The following KAZN variants were observed in gnomAD, a reference collection of about 807,000 sequenced individuals.
KAZN encodes the protein kazrin, periplakin interacting protein.
A neutral mutation model predicts 87.4 loss-of-function variants in KAZN; 40 were observed. That is an observed-to-expected ratio of 0.46 (90% CI 0.36 to 0.60). KAZN has a LOEUF of 0.60. Among genes scored for constraint, KAZN ranks in the 20% least tolerant of loss-of-function variants. The pLI is 0.00. For synonymous variants in KAZN, 466 were observed against 458.3 expected, an observed-to-expected ratio of 1.02 and a Z score of -0.22; for missense variants, 898 against 1,073.9, an observed-to-expected ratio of 0.84 and a Z score of 2.29.
At chr1:14,895,985 A>G (rs1480869626) in intron 1 of KAZN, among the ~76,000 whole-genome samples, 3 of 152,168 alleles carry the variant, frequency 2.0e-5, no homozygotes, top group Non-Finnish European at 4.4e-5. Context: ...CCAGGCAACA[A>G]TCTGAAGTAA....
intron 1 of KAZN, among the ~76,000 whole-genome samples, chr1:14,120,707 A>G (rs996611928): frequency 1.3e-5 from 2 of 152,132 alleles, no homozygotes; most frequent in Admixed American, 6.5e-5. Flanking sequence ...TGTTCTCAGG[A>G]CAGTGGACAT....
intron 1 of KAZN, among the ~76,000 whole-genome samples, chr1:14,777,295 C>A (rs1350233772): frequency 6.6e-6 from 1 of 152,162 alleles, no homozygotes; most frequent in African/African-American, 2.4e-5. Flanking sequence ...CACGCCCAGC[C>A]CTGAAGTAGG....
intron 1 of KAZN, among the ~76,000 whole-genome samples, chr1:14,605,691 G>A (rs1372249613): frequency 1.3e-5 from 2 of 152,188 alleles, no homozygotes; most frequent in Non-Finnish European, 1.5e-5. Flanking sequence ...GGAGGAGGAG[G>A]AAGAGGAAGG....
intron 2 of KAZN, among the ~76,000 whole-genome samples, chr1:14,251,944 C>T (rs1319832127): frequency 6.6e-6 from 1 of 152,030 alleles, no homozygotes; most frequent in African/African-American, 2.4e-5. Context: ...CCACTGTGCC[C>T]GACCCTCCTT....
upstream of KAZN, chr1:14,598,563 T>G: frequency 1.7e-6 from 1 of 603,904 alleles, no homozygotes; most frequent in Non-Finnish European, 2.1e-6. This position sits in a 1 kb window ranked among gnomAD's most constrained non-coding sequence, Gnocchi z 4.2. Context: ...CCGGGGGGTG[T>G]GTCTCCGAAG....
chr1:14,092,600 C>A (rs536631999), intron 1 of KAZN, among the ~76,000 whole-genome samples: 57 of 151,778 alleles, frequency 3.8e-4, no homozygotes, highest in African/African-American at 1.3e-3. Context: ...TACATATACA[C>A]ACATATATAC....
chr1:14,802,389 G>A (rs937120120), intron 1 of KAZN, among the ~76,000 whole-genome samples: 11 of 136,392 alleles, frequency 8.1e-5, no homozygotes, highest in African/African-American at 2.3e-4. Context: ...GGGTGACAGA[G>A]CAAAACTCTT....
At chr1:14,263,642 G>T (rs989619208) in intron 2 of KAZN, among the ~76,000 whole-genome samples, 3 of 152,154 alleles carry the variant, frequency 2.0e-5, no homozygotes. Context: ...GGGAGCGGGG[G>T]CAGGGTGGGG....
rs548385725 is a variant in KAZN at position 13,939,343 on chromosome 1, C to G, written c.91+45587C>G. 1.3e-4 allele frequency among the ~76,000 whole-genome samples: 20 copies of G among 152,342 alleles called. No individual in the cohort carries two copies. The South Asian group carries it at 4.1e-3, about 32-fold the overall frequency. On this transcript the variant is annotated intron_variant, in intron 1 of 16. Coordinates refer to the KAZN transcript ENST00000636203. ...CCACCAGATACCCTAAGTCATCACTCTTAAGTTAAAACTTACACAGATCCT... is the reference window on the plus strand; with the variant it reads ...CCACCAGATACCCTAAGTCATCACTGTTAAGTTAAAACTTACACAGATCCT...
At chr1:14,559,613 G>A (rs565986020) in intron 2 of KAZN, among the ~76,000 whole-genome samples, 30 of 152,288 alleles carry the variant, frequency 2.0e-4, no homozygotes, top group Non-Finnish European at 3.2e-4. Flanking sequence ...TCCCAAGACC[G>A]GACTGCATTC....
At chr1:14,926,152 T>C (rs976728114) in intron 1 of KAZN, among the ~76,000 whole-genome samples, 3 of 152,178 alleles carry the variant, frequency 2.0e-5, no homozygotes, top group African/African-American at 7.2e-5. Context: ...TCCCATTAGA[T>C]TGTGGCGCTC....
At chr1:14,993,266 G>A (rs1049278175) in intron 2 of KAZN, among the ~76,000 whole-genome samples, 9 of 151,436 alleles carry the variant, frequency 5.9e-5, no homozygotes, top group Non-Finnish European at 1.2e-4. Context: ...TCGGGAGTTC[G>A]AGACCAGCCT....
Position 14,598,688 on chromosome 1 carries a change from C to T in KAZN, c.-310C>T, listed in dbSNP as rs1012592241. 6 of 1,301,918 alleles carry T rather than the reference C, an allele frequency of 4.6e-6. No homozygotes were observed. Among genetic ancestry groups the T allele is most frequent in the South Asian group, 2.3e-5 (1 of 43,272 alleles). The allele number at this position is 1,301,918 out of a possible 1,614,324, so 80.6% of individuals were successfully genotyped here. ...GTGCCTGGTGGCGCGCGGTGTCCTT[C>T]TTGGAGCAGCTCTCGGCGCCCGCCC... is the stretch of plus-strand genomic sequence containing the variant. On this transcript the variant is annotated 5_prime_UTR_variant, in exon 1 of 15. Transcript: ENST00000376030. This position sits in a 1 kb window ranked among gnomAD's most constrained non-coding sequence, Gnocchi z 4.2.
rs1455110848 is a variant in KAZN, at chr1:14,773,268, G to C, written c.226+174045G>C. On this transcript the variant is annotated intron_variant, in intron 1 of 14. Transcript: ENST00000376030. This position sits in a 1 kb window ranked among gnomAD's most constrained non-coding sequence, Gnocchi z 5.9. ...TGAGATCCCGCTAGTCATGGGGTGA[G>C]CTACAGTGGGACTGTGGCACACAGT... is the stretch of plus-strand genomic sequence containing the variant. Among the ~76,000 whole-genome samples the C allele has an allele frequency of 6.6e-6, 1 of 152,126 alleles. No individual in the cohort carries two copies. Among genetic ancestry groups the C allele is most frequent in the Non-Finnish European group, 1.5e-5 (1 of 68,028 alleles).
chr1:14,171,500 A>G (rs573153736), intron 1 of KAZN, among the ~76,000 whole-genome samples: 1 of 152,174 alleles, frequency 6.6e-6, no homozygotes, highest in African/African-American at 2.4e-5. Context: ...TGGGGGGAAA[A>G]TCTGAATTAT....
intron 1 of KAZN, among the ~76,000 whole-genome samples, chr1:14,045,381 G>T (rs1642021660): frequency 6.6e-6 from 1 of 152,306 alleles, no homozygotes; most frequent in South Asian, 2.1e-4. Context: ...TAAAACTAGG[G>T]ACTCTGAACT....
intron 2 of KAZN, among the ~76,000 whole-genome samples, chr1:15,018,683 TCA>T (rs774551148): frequency 5.3e-5 from 8 of 151,558 alleles, no homozygotes; most frequent in Non-Finnish European, 1.0e-4. Flanking sequence ...CAAGCAAAGA[TCA>T]CAGTGTTTTG....
intron 1 of KAZN, among the ~76,000 whole-genome samples, chr1:14,618,773 C>T (rs1006997691): frequency 2.6e-5 from 4 of 152,192 alleles, no homozygotes; most frequent in Non-Finnish European, 5.9e-5. Context: ...AATGACAATA[C>T]ACTGTGACAA....
At chr1:15,065,806 C>T in intron 8 of KAZN, 53 bp downstream of exon 8, 3 of 1,596,466 alleles carry the variant, frequency 1.9e-6, no homozygotes, top group Non-Finnish European at 2.6e-6. Context: ...GATACGCGCT[C>T]CCCTGCGCCT....
Sources: gnomAD v4.1 joint callset for allele counts (sites outside exome capture counted in the v4.1 genomes callset) on GRCh38, gnomAD v4.1.1 for gene constraint, Gnocchi (gnomAD v3.1) non-coding constraint, MANE v1.5 for transcripts, NCBI Gene and HGNC (gene_info 2026-07-23, HGNC 2026-07-21) for gene names.